Variants in ACOX3 observed in about 807,000 individuals in gnomAD.
The protein encoded by ACOX3 is peroxisomal acyl-coenzyme A oxidase 3.
ACOX3 carries 73 observed loss-of-function variants against 81.5 expected under a neutral mutation model. The observed-to-expected ratio is 0.90, with a 90% CI of 0.74 to 1.09. The LOEUF is 1.09. ACOX3 is among the 50% of genes least tolerant of loss of function. ACOX3 has a pLI of 0.00. For synonymous variants in ACOX3, 387 were observed against 375.1 expected (o/e 1.03, Z -0.37); for missense variants, 947 against 928.0 (o/e 1.02, Z -0.27).
At chr4:8,424,330 C>T (rs1439391158) in intron 1 of ACOX3, among the ~76,000 whole-genome samples, 1 of 152,182 alleles carries the variant, frequency 6.6e-6, no homozygotes, top group Non-Finnish European at 1.5e-5. Flanking sequence ...GGCCCTAATC[C>T]AAGCCCTAGT....
At chr4:8,398,882 C>T (rs934504087) in intron 8 of ACOX3, among the ~76,000 whole-genome samples, 1 of 152,230 alleles carries the variant, frequency 6.6e-6, no homozygotes, top group Non-Finnish European at 1.5e-5. Context: ...TTCTTCCAAT[C>T]ATTTATTTTT....
rs183211423 is a variant in ACOX3, at chr4:8,394,052, T to G, written c.1179+568A>C. 7.5e-4 allele frequency among the ~76,000 whole-genome samples: 114 copies of G among 152,362 alleles called. No individual in the cohort carries two copies. Among genetic ancestry groups the G allele is most frequent in the Non-Finnish European group, 2.5e-4 (17 of 68,048 alleles). On this transcript the variant is annotated intron_variant, in intron 10 of 17. Coordinates refer to ENST00000356406, the MANE Select transcript of ACOX3 (RefSeq NM_003501.3). This position sits in a 1 kb window ranked among gnomAD's most constrained non-coding sequence, Gnocchi z 5.9. ...TTGTACATAACAGCAATCTGTGGCGTTTCTCCTCTGCTTTCAAACACGGTT... is the reference window on the plus strand; with the variant it reads ...TTGTACATAACAGCAATCTGTGGCGGTTCTCCTCTGCTTTCAAACACGGTT...
intron 14 of ACOX3, 131 bp from the exon 15 acceptor site, chr4:8,375,283 G>T: frequency 2.3e-6 from 2 of 887,786 alleles, no homozygotes; most frequent in Non-Finnish European, 3.4e-6. Context: ...GTAACATAAG[G>T]TGAGGCAGAG....
downstream of ACOX3, among the ~76,000 whole-genome samples, chr4:8,365,429 C>T (rs546050832): frequency 2.6e-5 from 4 of 152,342 alleles, no homozygotes; most frequent in East Asian, 3.9e-4. Flanking sequence ...CTCCTGGGTT[C>T]GAGTGACAAT....
chr4:8,390,107 AC>A (rs1560178750), intron 11 of ACOX3, among the ~76,000 whole-genome samples: 5 of 150,370 alleles, frequency 3.3e-5, no homozygotes, highest in Non-Finnish European at 4.4e-5. Context: ...TGTCTCAACA[AC>A]AACAACAACA....
Position 8,389,832 on chromosome 4 carries a change from C to A in ACOX3, c.1301-98G>T. On this transcript the variant is annotated intron_variant, in intron 11 of 17. Transcript: ENST00000356406. This position sits in a 1 kb window ranked among gnomAD's most constrained non-coding sequence, Gnocchi z 5.3. ...TTAAAAAGCCTTAAGAGGCTGGGTG[C>A]GGTGGCTCACACCTGTAATGGCAGC... The A allele has an allele frequency of 6.7e-7, 1 of 1,499,738 alleles. No homozygotes were observed. The highest frequency in any genetic ancestry group is 9.1e-7 in the Non-Finnish European group (1 of 1,104,950). 92.9% of individuals were successfully genotyped at this position (1,499,738 alleles called of 1,614,324 possible). A position where few individuals can be genotyped will look rare whatever the true frequency, so the allele number is the denominator to read the frequency against.
At chr4:8,360,381 AT>A in the ACOX3 span, among the ~76,000 whole-genome samples, 1 of 152,332 alleles carries the variant, frequency 6.6e-6, no homozygotes, top group African/African-American at 2.4e-5. Context: ...CAAAATAAAA[AT>A]ATCTTCAAAC....
At chr4:8,428,488 G>A (rs1016880190) in intron 1 of ACOX3, 1 of 152,352 alleles carries the variant, frequency 6.6e-6, no homozygotes, top group Admixed American at 6.5e-5. Context: ...CCGTCCCATG[G>A]GCGGGGCGGA....
At chr4:8,356,160 C>T in the ACOX3 span, 4 of 251,820 alleles carry the variant, frequency 1.6e-5, no homozygotes, top group Admixed American at 9.5e-5. Flanking sequence ...CCCGTTTTAA[C>T]GCCAACAACA....
chr4:8,364,262 C>A (rs1327594825), downstream of ACOX3, among the ~76,000 whole-genome samples: 1 of 152,196 alleles, frequency 6.6e-6, no homozygotes, highest in African/African-American at 2.4e-5. The surrounding 1 kb of genome is among the most constrained non-coding windows in gnomAD (Gnocchi z 5.0). Flanking sequence ...CAATCTTAGG[C>A]AGCTATTCTC....
chr4:8,389,120 TG>T lies in ACOX3; in HGVS notation c.1537+52del. 6.7e-7 allele frequency: 1 copy of T among 1,485,340 alleles called. No individual in the cohort carries two copies. Among genetic ancestry groups the T allele is most frequent in the Non-Finnish European group, 9.4e-7 (1 of 1,068,688 alleles). 92.0% of individuals were successfully genotyped at this position (1,485,340 alleles called of 1,614,324 possible). A position where few individuals can be genotyped will look rare whatever the true frequency, so the allele number is the denominator to read the frequency against. On this transcript the variant is annotated intron_variant, in intron 13 of 17. Transcript: ENST00000356406. The surrounding 1 kb of genome is among the most constrained non-coding windows in gnomAD (Gnocchi z 5.3). ...CACCGAGGCACGGTGCGTTTCCTGG[TG>T]GGAATGACAGGAAATCAGGAGGCCA...
At chr4:8,355,518 T>G in the ACOX3 span, 1 of 152,342 alleles carries the variant, frequency 6.6e-6, no homozygotes, top group East Asian at 1.9e-4. Context: ...TTCAGATCCT[T>G]GTCTCATATC....
In ACOX3 at chr4:8,381,440, A is replaced by G. The variant is rs2293230; in HGVS notation, c.1653+52T>C. On this transcript the variant is annotated intron_variant, in intron 14 of 17. Transcript: ENST00000356406. This position sits in a 1 kb window ranked among gnomAD's most constrained non-coding sequence, Gnocchi z 4.3. ...TCAAACTCCCAGGGACACAACGGCC[A>G]GGGAATTAAGAGCAAATAATACAAA... The G allele has an allele frequency of 0.22, 338,592 of 1,524,238 alleles. 47,428 individuals are homozygous for G. Among genetic ancestry groups the G allele is most frequent in the African/African-American group, 0.7 (50,827 of 72,996 alleles). The allele number at this position is 1,524,238 out of a possible 1,614,324, so 94.4% of individuals were successfully genotyped here.
chr4:8,426,528 C>A (rs1560206962), intron 1 of ACOX3, among the ~76,000 whole-genome samples: 1 of 127,654 alleles, frequency 7.8e-6, no homozygotes, highest in Non-Finnish European at 1.6e-5. Context: ...TTTCTCTTTA[C>A]TGTTGTCTTA....
intron 13 of ACOX3, among the ~76,000 whole-genome samples, chr4:8,387,236 T>C (rs547673604): frequency 6.6e-6 from 1 of 152,234 alleles, no homozygotes; most frequent in Non-Finnish European, 1.5e-5. Context: ...AAACACCTTA[T>C]GAAGGGGGTA....
At chr4:8,410,851 C>G (rs995571132) in intron 5 of ACOX3, among the ~76,000 whole-genome samples, 2 of 152,222 alleles carry the variant, frequency 1.3e-5, no homozygotes, top group East Asian at 1.9e-4. Flanking sequence ...CCAAATGCCC[C>G]GAGCACAAGG....
Position 8,399,729 on chromosome 4 carries a change from A to G in ACOX3, c.777-77T>C. On this transcript the variant is annotated intron_variant, in intron 7 of 17. Transcript: ENST00000356406. This position sits in a 1 kb window ranked among gnomAD's most constrained non-coding sequence, Gnocchi z 4.9. The stretch of plus-strand genomic sequence containing the variant: ...CTTCTCTTCTCCAAGGGCAGCCTAA[A>G]AGCTGATGCAATCCCCGAGGACAAA... 7.8e-7 allele frequency: 1 copy of G among 1,286,458 alleles called. No homozygotes were observed. Among genetic ancestry groups the G allele is most frequent in the South Asian group, 1.2e-5 (1 of 81,786 alleles). The allele number at this position is 1,286,458 out of a possible 1,614,324, so 79.7% of individuals were successfully genotyped here. A position where few individuals can be genotyped will look rare whatever the true frequency, so the allele number is the denominator to read the frequency against.
At chr4:8,380,733 A>T (rs558715140) in intron 14 of ACOX3, among the ~76,000 whole-genome samples, 36 of 152,316 alleles carry the variant, frequency 2.4e-4, no homozygotes, top group African/African-American at 8.2e-4. Context: ...AGAAGGGGTG[A>T]CAGCAGCTCT....
chr4:8,405,043 C>T lies in ACOX3; in HGVS notation c.776+912G>A, dbSNP rs1720786774. Among the ~76,000 whole-genome samples the T allele has an allele frequency of 6.6e-6, 1 of 152,152 alleles. No individual in the cohort carries two copies. Among genetic ancestry groups the T allele is most frequent in the African/African-American group, 2.4e-5 (1 of 41,432 alleles). On this transcript the variant is annotated intron_variant, in intron 7 of 17. Transcript: ENST00000356406. This position sits in a 1 kb window ranked among gnomAD's most constrained non-coding sequence, Gnocchi z 7.1. ...GGCAGGGCCTGGCAGGGCCCTGGCA[C>T]AGGGACCTCTCTTGTCACCTACTTT...
Sources: gnomAD v4.1 joint callset for allele counts (sites outside exome capture counted in the v4.1 genomes callset) on GRCh38, gnomAD v4.1.1 for gene constraint, Gnocchi (gnomAD v3.1) non-coding constraint, MANE v1.5 for transcripts, NCBI Gene and HGNC (gene_info 2026-07-23, HGNC 2026-07-21) for gene names.